The following GLI3 variants were observed in gnomAD, a reference collection of about 807,000 sequenced individuals.
GLI3 encodes transcription activator GLI3.
GLI3 carries 20 observed loss-of-function variants against 100.8 expected under a neutral mutation model. That is an observed-to-expected ratio of 0.20 (90% CI 0.14 to 0.29). GLI3 has a LOEUF of 0.29. Ranked by LOEUF, GLI3 falls within the 10% of genes least tolerant of loss-of-function variation. The pLI is 1.00. For synonymous variants in GLI3, 938 were observed against 860.5 expected, an observed-to-expected ratio of 1.09 and a Z score of -1.58; for missense variants, 2,040 against 2,128.5, an observed-to-expected ratio of 0.96 and a Z score of 0.82.
At chr7:42,108,187 G>T (rs1358865380) in intron 3 of GLI3, among the ~76,000 whole-genome samples, 1 of 152,190 alleles carries the variant, frequency 6.6e-6, no homozygotes. Flanking sequence ...TGCTTGGTGA[G>T]TCCGCAGAAA....
intron 3 of GLI3, among the ~76,000 whole-genome samples, chr7:42,127,853 T>C (rs1479840953): frequency 3.3e-5 from 5 of 151,084 alleles, no homozygotes; most frequent in Admixed American, 6.6e-5. Context: ...ATAAAAAAAA[T>C]ACAAAATTAT....
At chr7:42,029,813 G>C (rs562936852) in intron 7 of GLI3, among the ~76,000 whole-genome samples, 1 of 152,134 alleles carries the variant, frequency 6.6e-6, no homozygotes, top group Non-Finnish European at 1.5e-5. Flanking sequence ...TTGCCCCATC[G>C]TTTTCTACTG....
intron 3 of GLI3, among the ~76,000 whole-genome samples, chr7:42,084,978 C>T (rs7811878): frequency 0.24 from 32,625 of 135,328 alleles, 3,982 homozygotes; most frequent in Middle Eastern, 0.35. Context: ...GTGGCACAAT[C>T]TCAGCTCACT....
intron 1 of GLI3, among the ~76,000 whole-genome samples, chr7:42,235,943 G>A (rs1431052491): frequency 6.6e-6 from 1 of 152,180 alleles, no homozygotes; most frequent in Non-Finnish European, 1.5e-5. Context: ...GCACTGGGGA[G>A]ATGAGAAGTT....
chr7:42,127,058 AT>A (rs1786151818), intron 3 of GLI3, among the ~76,000 whole-genome samples: 2 of 152,218 alleles, frequency 1.3e-5, no homozygotes, highest in South Asian at 2.1e-4. Flanking sequence ...TTCAGTTTGG[AT>A]TTTTTTAGCT....
At chr7:42,080,032 A>T (rs964598096) in intron 3 of GLI3, among the ~76,000 whole-genome samples, 10 of 152,236 alleles carry the variant, frequency 6.6e-5, no homozygotes, top group African/African-American at 2.4e-4. Flanking sequence ...GTATAAAATT[A>T]TCTTCCTCAA....
At chr7:42,136,758 G>A (rs1786437478) in intron 3 of GLI3, among the ~76,000 whole-genome samples, 1 of 152,180 alleles carries the variant, frequency 6.6e-6, no homozygotes, top group South Asian at 2.1e-4. Flanking sequence ...CCTGGACACC[G>A]AAGTGGCATT....
chr7:42,055,546 T>C (rs1254804721), intron 4 of GLI3, among the ~76,000 whole-genome samples: 1 of 152,068 alleles, frequency 6.6e-6, no homozygotes, highest in African/African-American at 2.4e-5. Flanking sequence ...GGGCGAGCCC[T>C]CCTCTGCTGC....
chr7:42,254,232 A>G (rs1413409456), intron 1 of GLI3, among the ~76,000 whole-genome samples: 3 of 150,408 alleles, frequency 2.0e-5, no homozygotes, highest in Non-Finnish European at 4.4e-5. Context: ...AAAAAAAAAA[A>G]GCCAATGGAA....
At chr7:42,072,762 T>A (rs1328660026) in intron 4 of GLI3, among the ~76,000 whole-genome samples, 3 of 152,256 alleles carry the variant, frequency 2.0e-5, no homozygotes, top group East Asian at 1.9e-4. Flanking sequence ...AATATACACA[T>A]AAAATAAGAG....
intron 4 of GLI3, among the ~76,000 whole-genome samples, chr7:42,059,755 T>G (rs756200024): frequency 4.1e-4 from 63 of 152,348 alleles, no homozygotes; most frequent in South Asian, 8.3e-4. Context: ...CTAACTGATC[T>G]GCATTAAGAA....
intron 2 of GLI3, among the ~76,000 whole-genome samples, chr7:42,194,196 A>G (rs1787881490): frequency 6.6e-6 from 1 of 152,202 alleles, no homozygotes; most frequent in Non-Finnish European, 1.5e-5. Context: ...CCCAGTATTG[A>G]TCAACCTCAT....
chr7:42,076,679 A>G (rs1784884311), intron 4 of GLI3, 73 bp downstream of exon 4: 2 of 935,658 alleles, frequency 2.1e-6, no homozygotes, highest in Non-Finnish European at 3.6e-6. Flanking sequence ...ACATGCCATT[A>G]ACAAAAAGTC....
At chr7:41,998,470 A>G (rs770063356) in intron 10 of GLI3, among the ~76,000 whole-genome samples, 1 of 152,198 alleles carries the variant, frequency 6.6e-6, no homozygotes, top group Non-Finnish European at 1.5e-5. Context: ...GCATTCATTA[A>G]TGGGACCTAT....
At chr7:42,073,701 A>T (rs1461475441) in intron 4 of GLI3, among the ~76,000 whole-genome samples, 1 of 152,158 alleles carries the variant, frequency 6.6e-6, no homozygotes. Context: ...CATCAACACA[A>T]ATCCTTGTTT....
chr7:42,074,404 G>A (rs1190257886), intron 4 of GLI3, among the ~76,000 whole-genome samples: 1 of 152,222 alleles, frequency 6.6e-6, no homozygotes, highest in African/African-American at 2.4e-5. Flanking sequence ...CAAAGTGCCT[G>A]ACCAAGTGCT....
chr7:42,058,334 G>A (rs1784503122), intron 4 of GLI3, among the ~76,000 whole-genome samples: 1 of 152,100 alleles, frequency 6.6e-6, no homozygotes, highest in Admixed American at 6.6e-5. Context: ...TTCACTCCAT[G>A]ATCATTCATC....
At chr7:42,198,236 C>T (rs766712402) in intron 2 of GLI3, among the ~76,000 whole-genome samples, 7 of 152,046 alleles carry the variant, frequency 4.6e-5, no homozygotes, top group Non-Finnish European at 8.8e-5. Context: ...AAAGTAAACA[C>T]GCAAATGTGC....
chr7:42,056,578 G>A (rs1375875617), intron 4 of GLI3, among the ~76,000 whole-genome samples: 1 of 152,108 alleles, frequency 6.6e-6, no homozygotes, highest in Non-Finnish European at 1.5e-5. Flanking sequence ...TAAAGGCTAA[G>A]GCTGATTTTT....
Sources: allele counts gnomAD v4.1 joint callset (sites outside exome capture counted in the v4.1 genomes callset), GRCh38; gene constraint gnomAD v4.1.1; transcripts MANE v1.5; gene names NCBI Gene and HGNC (gene_info 2026-07-23, HGNC 2026-07-21).